PLXNA2: variants seen among roughly 807,000 people sequenced by gnomAD.
PLXNA2 encodes the protein plexin-A2.
A neutral mutation model predicts 193.5 loss-of-function variants in PLXNA2; 91 were observed. The observed-to-expected ratio is 0.47, with a 90% confidence interval of 0.40 to 0.56. The LOEUF (loss-of-function observed/expected upper bound fraction) is 0.56. Among genes scored for constraint, PLXNA2 ranks in the 20% least tolerant of loss-of-function variants. The probability of loss-of-function intolerance (pLI) is 0.00; values close to 1 mark genes in which losing one functional copy is unlikely to be tolerated. For synonymous variants in PLXNA2, 997 were observed against 1,027.3 expected, an observed-to-expected ratio of 0.97 and a Z score of 0.56; for missense variants, 1,995 against 2,503.2, an observed-to-expected ratio of 0.80 and a Z score of 4.33.
intron 3 of PLXNA2, among the ~76,000 whole-genome samples, chr1:208,187,304 G>A (rs1670039853): frequency 6.6e-6 from 1 of 152,172 alleles, no homozygotes; most frequent in South Asian, 2.1e-4. Flanking sequence ...TCTGGAAAAA[G>A]TAATAGCTCC....
intron 3 of PLXNA2, among the ~76,000 whole-genome samples, chr1:208,144,501 C>G (rs1035145532): frequency 1.3e-5 from 2 of 152,108 alleles, no homozygotes; most frequent in African/African-American, 4.8e-5. Flanking sequence ...CGGGGGTCCC[C>G]GGTGGTAGAA....
intron 3 of PLXNA2, among the ~76,000 whole-genome samples, chr1:208,207,296 G>A (rs1296870002): frequency 1.3e-5 from 2 of 152,216 alleles, no homozygotes; most frequent in Admixed American, 6.5e-5. Context: ...ATGAGCCACC[G>A]TGCCCGGCCT....
chr1:208,071,515 T>C (rs1665976968), intron 12 of PLXNA2, among the ~76,000 whole-genome samples: 1 of 152,136 alleles, frequency 6.6e-6, no homozygotes, highest in Non-Finnish European at 1.5e-5. Context: ...TTGAAGTGTA[T>C]GTGTGTGTGT....
intron 3 of PLXNA2, among the ~76,000 whole-genome samples, chr1:208,200,551 CA>C (rs1340335341): frequency 6.7e-6 from 1 of 149,548 alleles, no homozygotes; most frequent in East Asian, 2.0e-4. Flanking sequence ...CCATCTGCAA[CA>C]GAGCAGTGAA....
intron 4 of PLXNA2, among the ~76,000 whole-genome samples, chr1:208,123,039 C>G (rs1230070114): frequency 6.6e-6 from 1 of 152,152 alleles, no homozygotes; most frequent in Non-Finnish European, 1.5e-5. Context: ...ATCATCCCCC[C>G]AAAAGAAACC....
In PLXNA2 at chr1:208,152,920, C is replaced by T. The variant is rs539758387; in HGVS notation, c.1372-10457G>A. 1.1e-4 allele frequency among the ~76,000 whole-genome samples: 16 copies of T among 152,152 alleles called. No homozygotes were observed. The East Asian group carries it at 2.7e-3, about 26-fold the overall frequency. On this transcript the variant is annotated intron_variant, in intron 3 of 31. Transcript: ENST00000367033. ...CCTTATCCAAATGCTACCTACTCCA[C>T]GAAGCCTGCACCAATCTTTCCTTGG...
chr1:208,031,397 C>T, intron 29 of PLXNA2, 193 bp downstream of exon 29: 1 of 1,378,260 alleles, frequency 7.3e-7, no homozygotes, highest in Non-Finnish European at 9.5e-7. Flanking sequence ...AGGCAGGCCC[C>T]ACTTGGCACA....
chr1:208,046,583 T>C (rs1208329708), intron 17 of PLXNA2, among the ~76,000 whole-genome samples: 1 of 150,532 alleles, frequency 6.6e-6, no homozygotes, highest in East Asian at 2.0e-4. Flanking sequence ...TGTGTGTATG[T>C]GTGTGTGCAT....
chr1:208,029,148 G>T, intron 29 of PLXNA2, 106 bp from the exon 30 acceptor site: 1 of 1,521,306 alleles, frequency 6.6e-7, no homozygotes, highest in Non-Finnish European at 8.8e-7. Flanking sequence ...ACCTGAAGGG[G>T]CAAAGGAGTA....
chr1:208,156,083 C>T (rs1668933138), intron 3 of PLXNA2, among the ~76,000 whole-genome samples: 1 of 151,940 alleles, frequency 6.6e-6, no homozygotes, highest in African/African-American at 2.4e-5. Flanking sequence ...CTGGGCATTT[C>T]CTAAGTGGGG....
At chr1:208,125,250 G>A (rs979936125) in intron 4 of PLXNA2, among the ~76,000 whole-genome samples, 1 of 152,208 alleles carries the variant, frequency 6.6e-6, no homozygotes, top group African/African-American at 2.4e-5. Context: ...TGCGTTTGAA[G>A]TGATCTGTAT....
intron 1 of PLXNA2, among the ~76,000 whole-genome samples, chr1:208,221,895 A>C (rs1182381697): frequency 6.6e-6 from 1 of 152,196 alleles, no homozygotes; most frequent in South Asian, 2.1e-4. Flanking sequence ...TGGTCAAGGT[A>C]CTTAGCCATT....
At chr1:208,043,873 T>C (rs2102322022) in intron 20 of PLXNA2, among the ~76,000 whole-genome samples, 1 of 152,362 alleles carries the variant, frequency 6.6e-6, no homozygotes, top group African/African-American at 2.4e-5. Flanking sequence ...TCATTCCTAA[T>C]TGAGCTGTTT....
chr1:208,108,987 G>C (rs1667371294), intron 4 of PLXNA2, among the ~76,000 whole-genome samples: 2 of 152,194 alleles, frequency 1.3e-5, no homozygotes, highest in Admixed American at 1.3e-4. Flanking sequence ...GCCCCTCCAA[G>C]ATTGAGAATT....
At chr1:208,193,975 T>G (rs1375710275) in intron 3 of PLXNA2, among the ~76,000 whole-genome samples, 1 of 148,720 alleles carries the variant, frequency 6.7e-6, no homozygotes, top group Non-Finnish European at 1.5e-5. Flanking sequence ...TAAAAAACAC[T>G]TGTCCAGGAT....
rs894576143 is a variant in PLXNA2, at chr1:208,034,590, C to T, written c.4767G>A (p.Val1589=). 5.0e-6 allele frequency: 8 copies of T among 1,604,298 alleles called. No homozygotes were observed. In the South Asian group the frequency reaches 6.6e-5, roughly 13 times the overall value. The change falls in exon 27 of 32, where the codon GTG becomes GTA. Residue 1589 remains valine (V), a splice_region_variant and synonymous_variant. Transcript: ENST00000367033. ...KRLNTLMHYQ[V]SDRSVVALVP... ...CCAGAGCCACCACCGACCTGTCTGA[C>T]ACCTGAGAAGGGTACAAAAGGTACA...
chr1:208,077,453 C>A (rs1485457529), intron 12 of PLXNA2, among the ~76,000 whole-genome samples: 1 of 152,160 alleles, frequency 6.6e-6, no homozygotes, highest in African/African-American at 2.4e-5. Flanking sequence ...TGGAAAGGGG[C>A]CCCAGCCAGT....
Position 208,055,409 on chromosome 1 carries a change from G to A in PLXNA2, c.2739-871C>T, listed in dbSNP as rs149519282. ...CCTTCTAGAAAGGGTGGGCAGCTGA[G>A]GATGGGGAGAGATGAAGGCATCAGG... On this transcript the variant is annotated intron_variant, in intron 13 of 31. Transcript: ENST00000367033. 2.2e-3 allele frequency among the ~76,000 whole-genome samples: 338 copies of A among 152,296 alleles called. 2 individuals are homozygous for A. Among genetic ancestry groups the A allele is most frequent in the Admixed American group, 6.5e-3 (99 of 15,296 alleles).
intron 2 of PLXNA2, among the ~76,000 whole-genome samples, chr1:208,213,615 T>G (rs1227195117): frequency 1.3e-5 from 2 of 152,200 alleles, no homozygotes; most frequent in Admixed American, 6.5e-5. Context: ...AGAGCTCAAA[T>G]TTTTGATCTG....
Sources: allele counts gnomAD v4.1 joint callset (sites outside exome capture counted in the v4.1 genomes callset), GRCh38; gene constraint gnomAD v4.1.1; transcripts MANE v1.5; gene names NCBI Gene and HGNC (gene_info 2026-07-23, HGNC 2026-07-21).